ABCA9: variants seen among roughly 807,000 people sequenced by gnomAD.
ABCA9 encodes ATP-binding cassette sub-family A member 9.
A neutral mutation model predicts 205.3 loss-of-function variants in ABCA9; 183 were observed. The ratio of observed to expected loss-of-function variants is 0.89; its 90% CI spans 0.79 to 1.01. ABCA9 has a LOEUF of 1.01. ABCA9 is among the 50% of genes least tolerant of loss of function. The probability of loss-of-function intolerance (pLI) is 0.00; values close to 1 mark genes in which losing one functional copy is unlikely to be tolerated. For missense variants in ABCA9, 1,805 were observed against 1,912.4 expected, an observed-to-expected ratio of 0.94 and a Z score of 1.05; for synonymous variants, 651 against 683.3, an observed-to-expected ratio of 0.95 and a Z score of 0.74.
intron 7 of ABCA9, 100 bp from the exon 8 acceptor site, chr17:69,035,531 C>A: frequency 7.1e-7 from 1 of 1,408,196 alleles, no homozygotes; most frequent in Non-Finnish European, 9.5e-7. Flanking sequence ...TATTTTTCCA[C>A]CCCTAGACAC....
rs1434864571 is a variant in ABCA9 at position 69,043,663 on chromosome 17, T to C, written c.626A>G (p.His209Arg). 2.5e-6 allele frequency: 4 copies of C among 1,612,658 alleles called. No individual in the cohort carries two copies. The highest frequency in any genetic ancestry group is 3.4e-6 in the Non-Finnish European group (4 of 1,179,618). Residue 209 changes from histidine (H) to arginine (R), a missense_variant, in exon 6 of 39, where the codon CAT (histidine) becomes CGT (arginine). His to Arg is a conservative substitution (Grantham distance 29). Transcript: ENST00000340001. ...GGCAACAAAAGGTAATATCTTCATA[T>C]GTACACCAGTAACTGACATCAGCTG... ...MEQLMSVTGV[H>R]MKILPFVAQG... is the part of the protein sequence containing the mutation.
At chr17:69,014,734 A>G (rs1472259428) in intron 22 of ABCA9, among the ~76,000 whole-genome samples, 1 of 152,166 alleles carries the variant, frequency 6.6e-6, no homozygotes, top group Non-Finnish European at 1.5e-5. Flanking sequence ...GAAGCACTCA[A>G]CAGCTCTCAT....
intron 28 of ABCA9, among the ~76,000 whole-genome samples, chr17:68,991,333 G>A (rs1005972097): frequency 2.6e-5 from 4 of 152,132 alleles, no homozygotes; most frequent in Non-Finnish European, 4.4e-5. Context: ...CTTTGTGAGA[G>A]CCATGAGTCC....
chr17:69,042,356 A>G (rs2071574006), intron 6 of ABCA9: 2 of 152,242 alleles, frequency 1.3e-5, no homozygotes, highest in South Asian at 4.1e-4. Context: ...ACTGAAGTTT[A>G]AAGAGTTTAA....
rs2070232843 is a variant in ABCA9, at chr17:69,008,283, T to C, written c.3148-48A>G. The C allele has an allele frequency of 2.6e-6, 4 of 1,548,424 alleles. No individual in the cohort carries two copies. The South Asian group carries it at 4.7e-5, about 18-fold the overall frequency. ...ATCAAAAGGTTCTGAAGAGCTGAAG[T>C]TTGGGAAATTGCAAATATACAGTCA... On this transcript the variant is annotated intron_variant, in intron 23 of 38. Coordinates refer to ENST00000340001, the MANE Select transcript of ABCA9 (RefSeq NM_080283.4).
chr17:69,029,083 C>G (rs2144350035), intron 11 of ABCA9, 86 bp downstream of exon 11: 2 of 695,406 alleles, frequency 2.9e-6, no homozygotes, highest in Admixed American at 3.4e-5. Flanking sequence ...TCTGGAATAT[C>G]TGTGCTTAAT....
At chr17:69,025,829 G>A (rs924003308) in intron 16 of ABCA9, among the ~76,000 whole-genome samples, 2 of 151,974 alleles carry the variant, frequency 1.3e-5, no homozygotes, top group African/African-American at 2.4e-5. Flanking sequence ...TTGTCAAAGG[G>A]GAATAACAAT....
At chr17:69,031,678 T>A (rs1463706080) in intron 10 of ABCA9, among the ~76,000 whole-genome samples, 1 of 152,196 alleles carries the variant, frequency 6.6e-6, no homozygotes, top group Admixed American at 6.5e-5. Context: ...CCTGCATCGC[T>A]TGCCTCTTTC....
At chr17:68,986,420 C>A in intron 31 of ABCA9, 96 bp from the exon 32 acceptor site, 1 of 1,233,492 alleles carries the variant, frequency 8.1e-7, no homozygotes. Context: ...TCTCTTCACA[C>A]ACACAGGTGC....
At chr17:68,996,807 T>G (rs1237585277) in intron 25 of ABCA9, among the ~76,000 whole-genome samples, 5 of 152,260 alleles carry the variant, frequency 3.3e-5, no homozygotes, top group Non-Finnish European at 5.9e-5. Context: ...TTCTTTATAT[T>G]AGGTCTTTTT....
At chr17:69,003,613 G>A (rs543149103) in intron 25 of ABCA9, among the ~76,000 whole-genome samples, 83 of 145,420 alleles carry the variant, frequency 5.7e-4, no homozygotes, top group East Asian at 1.6e-3. Context: ...TGCTCTTCTC[G>A]AGGAGTATCT....
At chr17:69,003,019 G>A (rs113259185) in intron 25 of ABCA9, among the ~76,000 whole-genome samples, 1 of 149,558 alleles carries the variant, frequency 6.7e-6, no homozygotes, top group Non-Finnish European at 1.5e-5. Flanking sequence ...GTCTCTGCAT[G>A]TGAGATAGGT....
Position 69,029,089 on chromosome 17 carries a change from T to C in ABCA9, c.1504+80A>G, listed in dbSNP as rs139730367. 898 of 797,280 alleles carry C rather than the reference T, an allele frequency of 1.1e-3. 6 individuals are homozygous for C. The African/African-American group carries it at 0.015, about 13-fold the overall frequency. 49.4% of individuals were successfully genotyped at this position (797,280 alleles called of 1,614,324 possible). ...AGAGACATATCTGGAATATCTGTGC[T>C]TAATCCCTACCAAGAAATTACAACA... On this transcript the variant is annotated intron_variant, in intron 11 of 38. Transcript: ENST00000340001.
At chr17:69,016,999 A>G (rs1264415520) in intron 21 of ABCA9, among the ~76,000 whole-genome samples, 1 of 152,090 alleles carries the variant, frequency 6.6e-6, no homozygotes, top group Non-Finnish European at 1.5e-5. Flanking sequence ...TATTTAACCT[A>G]ATTACCTAAA....
upstream of ABCA9, among the ~76,000 whole-genome samples, chr17:69,062,730 C>A (rs2072288484): frequency 6.6e-6 from 1 of 152,090 alleles, no homozygotes; most frequent in Non-Finnish European, 1.5e-5. Context: ...TCAAGCTGGT[C>A]TGGAACTCCT....
In ABCA9 at chr17:69,051,020, C is replaced by T. The variant is rs2071884759; in HGVS notation, c.96+11G>A. On this transcript the variant is annotated intron_variant, in intron 2 of 38. Transcript: ENST00000340001. ...CTCTAAATATGAGAACACATAGACT[C>T]TGAAGCATACCAACAAGGTCTGTCT... The T allele has an allele frequency of 6.2e-7, 1 of 1,612,328 alleles. No homozygotes were observed. Among genetic ancestry groups the T allele is most frequent in the Non-Finnish European group, 8.5e-7 (1 of 1,178,874 alleles).
chr17:68,980,033 C>T (rs1353526891), intron 37 of ABCA9, among the ~76,000 whole-genome samples: 1 of 152,176 alleles, frequency 6.6e-6, no homozygotes, highest in African/African-American at 2.4e-5. Context: ...GCAATCTACT[C>T]ATCTGACAAA....
At chr17:69,025,882 T>G (rs527462786) in intron 16 of ABCA9, among the ~76,000 whole-genome samples, 8 of 152,166 alleles carry the variant, frequency 5.3e-5, no homozygotes, top group African/African-American at 1.9e-4. Context: ...TACAATAATA[T>G]GAATATTCTA....
intron 1 of ABCA9, among the ~76,000 whole-genome samples, chr17:69,058,836 CAAA>C (rs34009101): frequency 7.9e-6 from 1 of 127,334 alleles, no homozygotes; most frequent in Admixed American, 7.8e-5. Context: ...GAGACTGTCT[CAAA>C]AAAAAAAAAA....
Sources: gnomAD v4.1 joint callset for allele counts (sites outside exome capture counted in the v4.1 genomes callset) on GRCh38, gnomAD v4.1.1 for gene constraint, MANE v1.5 for transcripts, NCBI Gene and HGNC (gene_info 2026-07-23, HGNC 2026-07-21) for gene names.